Variants in VPS37A observed in about 807,000 individuals in gnomAD.
The protein encoded by VPS37A is VPS37A subunit of ESCRT-I.
A neutral mutation model predicts 49.8 loss-of-function variants in VPS37A; 30 were observed. The observed-to-expected ratio is 0.60, with a 90% CI of 0.45 to 0.82. The LOEUF (loss-of-function observed/expected upper bound fraction) is 0.82, where lower values mean the gene tolerates loss of function less well. VPS37A is among the 40% of genes least tolerant of loss of function. The pLI is 0.00. For synonymous variants in VPS37A, 195 were observed against 160.6 expected, an observed-to-expected ratio of 1.21 and a Z score of -1.62; for missense variants, 593 against 464.4, an observed-to-expected ratio of 1.28 and a Z score of -2.55.
Position 17,265,900 on chromosome 8 carries a change from C to T in VPS37A, c.126-7C>T. The T allele has an allele frequency of 6.2e-7, 1 of 1,613,130 alleles. No individual in the cohort carries two copies. Among genetic ancestry groups the T allele is most frequent in the Non-Finnish European group, 8.5e-7 (1 of 1,179,558 alleles). The stretch of plus-strand genomic sequence containing the variant: ...TTGGGTAAATTTTTTAAAATTTTCT[C>T]CTGCAGTATAGCCGAAATACAGAAA... On this transcript the variant is annotated splice_polypyrimidine_tract_variant and splice_region_variant and intron_variant, in intron 1 of 11. Coordinates refer to ENST00000324849, the MANE Select transcript of VPS37A (RefSeq NM_152415.3).
the VPS37A span, chr8:17,311,517 G>A: frequency 6.2e-7 from 1 of 1,614,036 alleles, no homozygotes; most frequent in Non-Finnish European, 8.5e-7. Flanking sequence ...TCACCATGAA[G>A]CCCTTCAGAG....
the VPS37A span, among the ~76,000 whole-genome samples, chr8:17,322,033 T>C: frequency 1.3e-5 from 2 of 152,156 alleles, no homozygotes; most frequent in Non-Finnish European, 1.5e-5. Flanking sequence ...AAGTCTCCAT[T>C]TGAACCCTGT....
chr8:17,247,284 T>C lies in VPS37A; in HGVS notation c.40T>C (p.Ser14Pro). ...LFPLTKSASS[S>P]AAGSPGGLTS... ...TCCCCTGACCAAGAGCGCCTCCTCC[T>C]CCGCGGCTGGGTCCCCCGGTGGCCT... Residue 14 changes from serine to proline, a missense_variant, in exon 1 of 12, where the codon TCC (serine) becomes CCC (proline). Transcript: ENST00000324849. 1 of 1,566,680 alleles carries C rather than the reference T, an allele frequency of 6.4e-7. No homozygotes were observed. The highest frequency in any genetic ancestry group is 8.7e-7 in the Non-Finnish European group (1 of 1,155,872).
chr8:17,290,999 C>G (rs556977089), intron 11 of VPS37A, among the ~76,000 whole-genome samples: 5 of 151,894 alleles, frequency 3.3e-5, no homozygotes, highest in East Asian at 1.9e-4. Flanking sequence ...TCTGTGGGAT[C>G]GGTGGTGATC....
downstream of VPS37A, chr8:17,306,021 T>TG (rs1162450657): frequency 2.2e-6 from 3 of 1,372,384 alleles, no homozygotes; most frequent in Non-Finnish European, 3.0e-6. Flanking sequence ...AAGCCATAAA[T>TG]GCAAAAACAA....
chr8:17,302,237 G>C, downstream of VPS37A: 1 of 1,614,012 alleles, frequency 6.2e-7, no homozygotes, highest in East Asian at 2.2e-5. Context: ...GACTGTCGGG[G>C]CTGCATCCCC....
At chr8:17,301,918 G>C, downstream of VPS37A, 1 of 442,796 alleles carries the variant, frequency 2.3e-6, no homozygotes, top group African/African-American at 2.0e-5. Context: ...CTAAAATAAG[G>C]AACAACCAAA....
intron 1 of VPS37A, among the ~76,000 whole-genome samples, chr8:17,258,638 G>A (rs1188663840): frequency 1.3e-5 from 2 of 151,994 alleles, no homozygotes; most frequent in African/African-American, 4.8e-5. Context: ...TGATCTTGTA[G>A]AATGAGTTTG....
intron 9 of VPS37A, among the ~76,000 whole-genome samples, chr8:17,281,382 T>A (rs976069911): frequency 1.1e-4 from 16 of 152,024 alleles, no homozygotes; most frequent in African/African-American, 3.9e-4. Context: ...AGAAAATCTG[T>A]GAGACTCAAC....
Position 17,296,746 on chromosome 8 carries a change from AAG to A in VPS37A, c.*1762_*1763del, listed in dbSNP as rs1316738573. On this transcript the variant is annotated 3_prime_UTR_variant, in exon 12 of 12. Coordinates refer to ENST00000324849, the MANE Select transcript of VPS37A (RefSeq NM_152415.3). Reference sequence around the variant, plus strand: ...CTTTTCACCAGAAAAACAGAAAAAAAAGAAACATTTTCTTACAGAGTAAAAAT... The same window carrying A: ...CTTTTCACCAGAAAAACAGAAAAAAAAAACATTTTCTTACAGAGTAAAAAT... 2 of 152,202 alleles carry A rather than the reference AAG, an allele frequency of 1.3e-5. No homozygotes were observed. Among genetic ancestry groups the A allele is most frequent in the Admixed American group, 6.5e-5 (1 of 15,280 alleles). 9.4% of individuals were successfully genotyped at this position (152,202 alleles called of 1,614,324 possible). A position where few individuals can be genotyped will look rare whatever the true frequency, so the allele number is the denominator to read the frequency against.
chr8:17,327,889 C>A, the VPS37A span, among the ~76,000 whole-genome samples: 58 of 152,296 alleles, frequency 3.8e-4, no homozygotes, highest in Non-Finnish European at 6.9e-4. Context: ...AAAAATTATG[C>A]TTTTTCATCT....
chr8:17,325,589 C>T, the VPS37A span, among the ~76,000 whole-genome samples: 3 of 152,336 alleles, frequency 2.0e-5, no homozygotes, highest in African/African-American at 7.2e-5. Context: ...TGAGCTGACG[C>T]GGGGCCTGCG....
At chr8:17,284,739 T>G in intron 10 of VPS37A, 123 bp downstream of exon 10, 43 of 1,138,960 alleles carry the variant, frequency 3.8e-5, no homozygotes, top group Non-Finnish European at 4.6e-5. Context: ...TTTTGTACAA[T>G]ATATTTACCT....
chr8:17,286,220 C>G, intron 10 of VPS37A, 127 bp from the exon 11 acceptor site: 1 of 685,166 alleles, frequency 1.5e-6, no homozygotes, highest in East Asian at 2.8e-5. Context: ...AGATTATTAG[C>G]TATCTTCAAC....
rs574684258 is a variant in VPS37A, at chr8:17,275,083, A to G, written c.642+125A>G. On this transcript the variant is annotated intron_variant, in intron 5 of 11. Coordinates refer to ENST00000324849, the MANE Select transcript of VPS37A (RefSeq NM_152415.3). The stretch of plus-strand genomic sequence containing the variant: ...ACAAAATATGAAAAGATGAACTCAC[A>G]TTTTTCAATTCAAGTAACAGGTAAC... 1.9e-5 allele frequency: 17 copies of G among 886,714 alleles called. No individual in the cohort carries two copies. The South Asian group carries it at 2.5e-4, about 13-fold the overall frequency. 54.9% of individuals were successfully genotyped at this position (886,714 alleles called of 1,614,324 possible). A position where few individuals can be genotyped will look rare whatever the true frequency, so the allele number is the denominator to read the frequency against.
rs945570812 is a variant in VPS37A at position 17,269,840 on chromosome 8, T to C, written c.416+884T>C. On this transcript the variant is annotated intron_variant, in intron 4 of 11. Coordinates refer to ENST00000324849, the MANE Select transcript of VPS37A (RefSeq NM_152415.3). ...AGTCATGTTCTCGTACTAAAGATAC[T>C]GTTTTAGTCTTGTTCTTGCATTGCT... 2.0e-5 allele frequency among the ~76,000 whole-genome samples: 3 copies of C among 152,320 alleles called. 1 individual carries two copies. Among genetic ancestry groups the C allele is most frequent in the Admixed American group, 2.0e-4 (3 of 15,298 alleles).
downstream of VPS37A, among the ~76,000 whole-genome samples, chr8:17,300,846 T>C (rs982657584): frequency 6.6e-6 from 1 of 152,258 alleles, no homozygotes; most frequent in African/African-American, 2.4e-5. Context: ...CTAGATGTTT[T>C]ATATAAATTG....
At chr8:17,330,327 G>C in the VPS37A span, among the ~76,000 whole-genome samples, 19 of 152,320 alleles carry the variant, frequency 1.2e-4, no homozygotes, top group Non-Finnish European at 5.9e-5. Context: ...CAGCTCTCCA[G>C]GGCTTTCCCC....
chr8:17,249,504 A>G (rs925822290), intron 1 of VPS37A, among the ~76,000 whole-genome samples: 9 of 152,184 alleles, frequency 5.9e-5, no homozygotes, highest in Non-Finnish European at 1.0e-4. Context: ...TTTTATTGAG[A>G]TGTTTCGCAT....
Sources: gnomAD v4.1 joint callset for allele counts (sites outside exome capture counted in the v4.1 genomes callset) on GRCh38, gnomAD v4.1.1 for gene constraint, MANE v1.5 for transcripts, NCBI Gene and HGNC (gene_info 2026-07-23, HGNC 2026-07-21) for gene names.